Variants in BACH1 observed in about 807,000 individuals in gnomAD.
BACH1 encodes the protein BTB domain and CNC homolog 1.
In BACH1, 35 loss-of-function variants were observed where a neutral mutation model predicts 52.9. That is an observed-to-expected ratio of 0.66 (90% CI 0.51 to 0.88). The LOEUF (loss-of-function observed/expected upper bound fraction) is 0.88. Ranked by LOEUF, BACH1 falls within the 40% of genes least tolerant of loss-of-function variation. The pLI is 0.00. For synonymous variants in BACH1, 321 were observed against 319.6 expected (o/e 1.00, Z -0.05); for missense variants, 808 against 872.6 (o/e 0.93, Z 0.93).
rs1378134196 is a variant in BACH1, at chr21:29,344,917, C to T, written c.*2084C>T. On this transcript the variant is annotated 3_prime_UTR_variant, in exon 5 of 5. Coordinates refer to ENST00000286800, the MANE Select transcript of BACH1 (RefSeq NM_001186.4). Reference sequence around the variant, plus strand: ...CTACTGTACTTGCTTTGAAAGATTACCTACTATTTTATGATAAAATGTAGT... The same window carrying T: ...CTACTGTACTTGCTTTGAAAGATTATCTACTATTTTATGATAAAATGTAGT... 1 of 152,510 alleles carries T rather than the reference C, an allele frequency of 6.6e-6. No homozygotes were observed. Among genetic ancestry groups the T allele is most frequent in the Non-Finnish European group, 1.5e-5 (1 of 68,014 alleles). The allele number at this position is 152,510 out of a possible 1,614,324, so 9.4% of individuals were successfully genotyped here.
chr21:29,338,631 A>G (rs1415852720), intron 4 of BACH1, among the ~76,000 whole-genome samples: 2 of 152,182 alleles, frequency 1.3e-5, no homozygotes, highest in Admixed American at 1.3e-4. Context: ...GGCCTCCCAA[A>G]GTGCTGAGAT....
At position 29,326,392 on chromosome 21, in the gene BACH1, CAAGGA is replaced by C; in HGVS notation, c.571_575del (p.Gly191CysfsTer16). The C allele has an allele frequency of 1.9e-6, 3 of 1,614,144 alleles. No individual in the cohort carries two copies. Among genetic ancestry groups the C allele is most frequent in the Non-Finnish European group, 2.5e-6 (3 of 1,180,024 alleles). The stretch of plus-strand genomic sequence containing the variant: ...TCCTCAGTGTAAACTCCGCAGGTAT[CAAGGA>C]AATGCAAAAGCCTCACCTCCTCTAC... On this transcript the variant is annotated frameshift_variant, in exon 3 of 5. Transcript: ENST00000286800. LOFTEE classifies it high-confidence loss of function.
chr21:29,350,039 T>G (rs1045165345), downstream of BACH1, among the ~76,000 whole-genome samples: 9 of 151,940 alleles, frequency 5.9e-5, no homozygotes, highest in African/African-American at 2.2e-4. Flanking sequence ...AGAAAGTCAT[T>G]CTCTGAGGAA....
chr21:29,350,454 A>G (rs1180996146), downstream of BACH1, among the ~76,000 whole-genome samples: 2 of 152,240 alleles, frequency 1.3e-5, no homozygotes, highest in African/African-American at 4.8e-5. Flanking sequence ...AGCCTAGTGC[A>G]AACTCCAGAA....
rs398106 is a variant in BACH1 at position 29,338,916 on chromosome 21, T to C, written c.1777-3483T>C. Among the ~76,000 whole-genome samples, 1,017 of 152,306 alleles carry C rather than the reference T, an allele frequency of 6.7e-3. 9 individuals are homozygous for C. Among genetic ancestry groups the C allele is most frequent in the African/African-American group, 0.023 (972 of 41,552 alleles). ...TCCATCCTGCTGCATGGAAGTATTT[T>C]ATATACATTTTTCTGTACTTTTTAA... On this transcript the variant is annotated intron_variant, in intron 4 of 4. Transcript: ENST00000286800.
At chr21:29,351,701 C>CA (rs753506462) in intron 2 of BACH1, 2 of 534,754 alleles carry the variant, frequency 3.7e-6, no homozygotes, top group Non-Finnish European at 7.7e-6. Context: ...GATACCTGCT[C>CA]AGACAGCTCT....
intron 4 of BACH1, among the ~76,000 whole-genome samples, chr21:29,333,322 G>A (rs1022713196): frequency 6.6e-6 from 1 of 152,204 alleles, no homozygotes; most frequent in Non-Finnish European, 1.5e-5. Context: ...TTTATACTTA[G>A]TAGCATGGAG....
At chr21:29,313,819 C>T (rs117638520) in intron 1 of BACH1, among the ~76,000 whole-genome samples, 1 of 152,260 alleles carries the variant, frequency 6.6e-6, no homozygotes, top group Non-Finnish European at 1.5e-5. Flanking sequence ...GGGAAGGGTA[C>T]ATGTCAATGC....
chr21:29,312,927 A>G (rs1288332720), intron 1 of BACH1, among the ~76,000 whole-genome samples: 2 of 152,216 alleles, frequency 1.3e-5, no homozygotes, highest in African/African-American at 4.8e-5. Context: ...GAAGAATTAG[A>G]CATTTCACAA....
chr21:29,320,135 G>A (rs947278840), intron 1 of BACH1, among the ~76,000 whole-genome samples: 4 of 152,100 alleles, frequency 2.6e-5, no homozygotes, highest in African/African-American at 9.7e-5. Flanking sequence ...TAGCAAATCT[G>A]AAAGCAGTAC....
intron 4 of BACH1, among the ~76,000 whole-genome samples, chr21:29,336,091 C>T (rs575182814): frequency 6.7e-4 from 102 of 151,978 alleles, no homozygotes; most frequent in Non-Finnish European, 1.0e-3. Context: ...TTTTTTCAAA[C>T]GAGGATACAG....
intron 1 of BACH1, among the ~76,000 whole-genome samples, chr21:29,304,082 C>G (rs1488052386): frequency 2.7e-5 from 4 of 150,918 alleles, no homozygotes; most frequent in African/African-American, 9.7e-5. Context: ...AGTCATCGTT[C>G]AAACTAATAT....
chr21:29,326,453 T>C lies in BACH1; in HGVS notation c.629T>C (p.Met210Thr), dbSNP rs536766184. 6.9e-5 allele frequency: 111 copies of C among 1,614,220 alleles called. 1 individual carries two copies. Among genetic ancestry groups the C allele is most frequent in the Middle Eastern group, 6.6e-4 (4 of 6,062 alleles). The stretch of plus-strand genomic sequence containing the variant: ...AGTGCCAGTCAGACATATGAGTCCA[T>C]GTGCTTAGAGAAGGATGCTGCTCTG... ...QDSASQTYES[M>T]CLEKDAALAL... The change falls in exon 3 of 5, where the codon ATG (methionine) becomes ACG (threonine). Residue 210 changes from methionine (M) to threonine (T), a missense_variant. Physicochemically the swap from Met to Thr is moderately conservative, Grantham distance 81. Coordinates refer to ENST00000286800, the MANE Select transcript of BACH1 (RefSeq NM_001186.4).
At position 29,343,149 on chromosome 21, in the gene BACH1, G is replaced by A. The variant is rs2089134784; in HGVS notation, c.*316G>A. On this transcript the variant is annotated 3_prime_UTR_variant, in exon 5 of 5. Transcript: ENST00000286800. Reference sequence around the variant, plus strand: ...AATAAGTAGGAGAATGAAAACTGCAGCATATCAGACAGCAATTTAACAGCT... The same window carrying A: ...AATAAGTAGGAGAATGAAAACTGCAACATATCAGACAGCAATTTAACAGCT... The A allele has an allele frequency of 5.4e-6, 1 of 186,350 alleles. No individual in the cohort carries two copies. The highest frequency in any genetic ancestry group is 1.1e-5 in the Non-Finnish European group (1 of 88,964). The allele number at this position is 186,350 out of a possible 1,614,324, so 11.5% of individuals were successfully genotyped here.
chr21:29,346,383 T>G (rs748402900), downstream of BACH1, among the ~76,000 whole-genome samples: 7 of 152,214 alleles, frequency 4.6e-5, no homozygotes, highest in Non-Finnish European at 1.0e-4. Flanking sequence ...TAGGGACTCT[T>G]AAGGGGTATT....
Position 29,326,507 on chromosome 21 carries a change from G to C in BACH1, c.683G>C (p.Arg228Thr). 6.2e-7 allele frequency: 1 copy of C among 1,614,134 alleles called. No individual in the cohort carries two copies. Among genetic ancestry groups the C allele is most frequent in the Non-Finnish European group, 8.5e-7 (1 of 1,180,022 alleles). ...LALPSLCPKY[R>T]KFQKAFGTDR... ...TTGCCTTCTTTATGCCCCAAATACA[G>C]AAAATTCCAAAAAGCATTTGGAACT... Residue 228 changes from arginine to threonine, a missense_variant, in exon 3 of 5, where the codon AGA (arginine) becomes ACA (threonine). Transcript: ENST00000286800.
At chr21:29,325,178 C>T (rs988668866) in intron 2 of BACH1, among the ~76,000 whole-genome samples, 4 of 151,870 alleles carry the variant, frequency 2.6e-5, no homozygotes, top group African/African-American at 7.3e-5. Context: ...TGCAGTGAGC[C>T]GAGATCGCGC....
rs909732331 is a variant in BACH1, at chr21:29,355,051, G to A, written c.472+25358G>A. On this transcript the variant is annotated intron_variant, in intron 2 of 4. Transcript: ENST00000422809. ...GTGAAAGAAAAAGCTTCCACAGCAT[G>A]GAAGGGGACCGGAGCGGGTTGCCCC... 2.6e-5 allele frequency among the ~76,000 whole-genome samples: 4 copies of A among 152,366 alleles called. No homozygotes were observed. In the South Asian group the frequency reaches 6.2e-4, roughly 24 times the overall value.
chr21:29,332,225 C>T (rs1461663370), intron 4 of BACH1, among the ~76,000 whole-genome samples: 11 of 152,202 alleles, frequency 7.2e-5, no homozygotes, highest in African/African-American at 2.7e-4. Flanking sequence ...TGAGCCATTG[C>T]ATCCGGTCTC....
Sources: allele counts gnomAD v4.1 joint callset (sites outside exome capture counted in the v4.1 genomes callset), GRCh38; gene constraint gnomAD v4.1.1; transcripts MANE v1.5; gene names NCBI Gene and HGNC (gene_info 2026-07-23, HGNC 2026-07-21).